MYBBP1A: variants seen among roughly 807,000 people sequenced by gnomAD.
The protein encoded by MYBBP1A is myb-binding protein 1A.
In MYBBP1A, 147 loss-of-function variants were observed where a neutral mutation model predicts 136.3. That is an observed-to-expected ratio of 1.08 (90% CI 0.94 to 1.24). MYBBP1A has a LOEUF of 1.24. Ranked by LOEUF, MYBBP1A falls within the 50% of genes most tolerant of loss-of-function variation. MYBBP1A has a pLI of 0.00. For missense variants in MYBBP1A, 2,060 were observed against 1,727.4 expected, an observed-to-expected ratio of 1.19 and a Z score of -3.41; for synonymous variants, 947 against 735.8, an observed-to-expected ratio of 1.29 and a Z score of -4.65.
At position 4,539,393 on chromosome 17, in the gene MYBBP1A, T is replaced by C; in HGVS notation, c.*22A>G. On this transcript the variant is annotated 3_prime_UTR_variant, in exon 26 of 26. Coordinates refer to ENST00000254718, the MANE Select transcript of MYBBP1A (RefSeq NM_014520.4). ...GTCTCAGGCAGATGGAGGCAGGGGCTGAGGGGGGCCCGTACCTGTGCTCAG... is the reference window on the plus strand; with the variant it reads ...GTCTCAGGCAGATGGAGGCAGGGGCCGAGGGGGGCCCGTACCTGTGCTCAG... The C allele has an allele frequency of 6.4e-7, 1 of 1,567,314 alleles. No homozygotes were observed. Among genetic ancestry groups the C allele is most frequent in the Non-Finnish European group, 8.6e-7 (1 of 1,157,030 alleles).
Position 4,541,833 on chromosome 17 carries a change from T to C in MYBBP1A, c.3146A>G (p.Asp1049Gly). Residue 1049 changes from aspartate (D) to glycine (G), a missense_variant, in exon 23 of 26, where the codon GAC (aspartate) becomes GGC (glycine). Coordinates refer to ENST00000254718, the MANE Select transcript of MYBBP1A (RefSeq NM_014520.4). ...SMREVRSCFE[D>G]PEWKQLMGQV... ...GCCCATCAGCTGCTTCCACTCGGGGTCCTCAAAGCACGACCTCACCTCCCG... is the reference window on the plus strand; with the variant it reads ...GCCCATCAGCTGCTTCCACTCGGGGCCCTCAAAGCACGACCTCACCTCCCG... 2 of 1,613,982 alleles carry C rather than the reference T, an allele frequency of 1.2e-6. No individual in the cohort carries two copies. Among genetic ancestry groups the C allele is most frequent in the Non-Finnish European group, 1.7e-6 (2 of 1,180,000 alleles).
intron 8 of MYBBP1A, 61 bp downstream of exon 8, chr17:4,551,819 G>A: frequency 6.8e-7 from 1 of 1,478,890 alleles, no homozygotes; most frequent in Non-Finnish European, 9.4e-7. Context: ...TCCCCTTTTT[G>A]GCAGGGAGAG....
chr17:4,553,975 T>A, intron 4 of MYBBP1A, 44 bp downstream of exon 4: 1 of 1,613,586 alleles, frequency 6.2e-7, no homozygotes, highest in Non-Finnish European at 8.5e-7. Context: ...CCCCCACCCA[T>A]CCCAAGCCAG....
Position 4,551,959 on chromosome 17 carries a change from A to AG in MYBBP1A, c.943dup (p.Leu315ProfsTer27), listed in dbSNP as rs1190052294. On this transcript the variant is annotated frameshift_variant, in exon 8 of 26. Coordinates refer to ENST00000254718, the MANE Select transcript of MYBBP1A (RefSeq NM_014520.4). LOFTEE classifies it high-confidence loss of function. ...CAGGTGCAGCTGCTCCTTGGTCAGC[A>AG]GGGGCAGGGCCGCGCCCAGCAGGCG... The AG allele has an allele frequency of 1.2e-6, 2 of 1,612,652 alleles. No individual in the cohort carries two copies. Among genetic ancestry groups the AG allele is most frequent in the South Asian group, 2.2e-5 (2 of 91,028 alleles).
chr17:4,539,835 G>T lies in MYBBP1A; in HGVS notation c.3567C>A (p.Gly1189=). The T allele has an allele frequency of 6.2e-7, 1 of 1,609,992 alleles. No homozygotes were observed. Residue 1189 remains glycine, a synonymous_variant, in exon 26 of 26, where the codon GGC becomes GGA. Transcript: ENST00000254718. ...CAGGTGTGCCATCCTCCGCTGGCGT[G>T]CCATCCTCTGACTTGCGTTTCTTGC... ...KKRKKRKSED[G]TPAEDGTPAA... is the part of the protein sequence containing the mutation.
In MYBBP1A at chr17:4,552,269, G is replaced by A. The variant is rs200028604; in HGVS notation, c.761C>T (p.Ala254Val). ...VPRLVNVLKMAASSVKKDRKL... is the reference protein window; with the variant it reads ...VPRLVNVLKMVASSVKKDRKL... ...GCGGTCCTTCTTCACAGAGGAGGCGGCCATCTTCAGCACATTCACCAGCCT... is the reference window on the plus strand; with the variant it reads ...GCGGTCCTTCTTCACAGAGGAGGCGACCATCTTCAGCACATTCACCAGCCT... The change falls in exon 7 of 26, where the codon GCC (alanine) becomes GTC (valine). Residue 254 changes from alanine (A) to valine (V), a missense_variant. Transcript: ENST00000254718. This position sits in a 1 kb window ranked among gnomAD's most constrained non-coding sequence, Gnocchi z 4.7. 21 of 1,614,094 alleles carry A rather than the reference G, an allele frequency of 1.3e-5. No homozygotes were observed. The East Asian group carries it at 3.6e-4, about 27-fold the overall frequency.
In MYBBP1A at chr17:4,548,166, C is replaced by A. The variant is rs138631117; in HGVS notation, c.1701G>T (p.Ala567=). The change falls in exon 12 of 26, where the codon GCG becomes GCT. Residue 567 remains alanine, a synonymous_variant. Transcript: ENST00000254718. The surrounding 1 kb of genome is among the most constrained non-coding windows in gnomAD (Gnocchi z 4.2). ...HNVTTVTPFT[A]QQRQAWDRML... ...ACCGGTCCCAGGCCTGGCGCTGCTG[C>A]GCAGTGAAGGGTGTCACGGTGGTCA... is the stretch of plus-strand genomic sequence containing the variant. The A allele has an allele frequency of 3.1e-6, 5 of 1,605,306 alleles. No homozygotes were observed. The highest frequency in any genetic ancestry group is 4.2e-6 in the Non-Finnish European group (5 of 1,179,980).
In MYBBP1A at chr17:4,545,778, T is replaced by C; in HGVS notation, c.1922-17A>G. ...CCTGGGGGTCTGCAAGAGGGAGGGG[T>C]TGAGCCCGGATAGGGGACCGCTGGC... On this transcript the variant is annotated splice_polypyrimidine_tract_variant and intron_variant, in intron 14 of 25. Coordinates refer to ENST00000254718, the MANE Select transcript of MYBBP1A (RefSeq NM_014520.4). 2 of 1,606,472 alleles carry C rather than the reference T, an allele frequency of 1.2e-6. No homozygotes were observed. The highest frequency in any genetic ancestry group is 1.7e-6 in the Non-Finnish European group (2 of 1,175,960).
At chr17:4,549,686 G>A (rs2144486862) in intron 9 of MYBBP1A, among the ~76,000 whole-genome samples, 1 of 144,450 alleles carries the variant, frequency 6.9e-6, no homozygotes, top group South Asian at 2.2e-4. Flanking sequence ...CTGAGGCAGA[G>A]AATCACTTGA....
chr17:4,547,674 C>T, intron 13 of MYBBP1A: 2 of 386,544 alleles, frequency 5.2e-6, no homozygotes, highest in Admixed American at 4.1e-5. Context: ...GCTCCTTTGC[C>T]TCTGAGTCTT....
rs758425141 is a variant in MYBBP1A, at chr17:4,544,867, G to A, written c.2365C>T (p.Leu789=). Residue 789 remains leucine, a synonymous_variant, in exon 18 of 26, where the codon CTG becomes TTG. Transcript: ENST00000254718. ...AAGAGGCTGGCGAGGCTCTGGTCCA[G>A]GGCCATCATGGCCTCATCCCCCAGC... ...EELGDEAMMA[L]DQSLASLFAE... is the part of the protein sequence containing the mutation. 3.7e-6 allele frequency: 6 copies of A among 1,608,330 alleles called. No homozygotes were observed. Among genetic ancestry groups the A allele is most frequent in the Non-Finnish European group, 5.1e-6 (6 of 1,177,824 alleles).
rs777132367 is a variant in MYBBP1A, at chr17:4,544,758, T to C, written c.2474A>G (p.Gln825Arg). 1.9e-5 allele frequency: 29 copies of C among 1,562,484 alleles called. No homozygotes were observed. The South Asian group carries it at 2.9e-4, about 16-fold the overall frequency. ...GCCCGCCCCCAGGCTCACCCGGATC[T>C]GGAAGTCGCGCCGCAGAGCCTTCTC... ...QKEKALRRDF[Q>R]IRVLDLVEVL... Residue 825 changes from glutamine to arginine, a missense_variant, in exon 18 of 26, where the codon CAG becomes CGG. By Grantham distance (43) the Gln-to-Arg change is conservative (BLOSUM62 1). Transcript: ENST00000254718.
In MYBBP1A at chr17:4,545,948, G is replaced by A. The variant is rs907407572; in HGVS notation, c.1825-6C>T. Reference sequence around the variant, plus strand: ...TCACAGCTCTCTGCAGGGGACTGCGGGCAGGGTAGGACACACACTGGGGCC... The same window carrying A: ...TCACAGCTCTCTGCAGGGGACTGCGAGCAGGGTAGGACACACACTGGGGCC... On this transcript the variant is annotated splice_polypyrimidine_tract_variant and splice_region_variant and intron_variant, in intron 13 of 25. Coordinates refer to ENST00000254718, the MANE Select transcript of MYBBP1A (RefSeq NM_014520.4). The A allele has an allele frequency of 6.8e-6, 11 of 1,612,216 alleles. No individual in the cohort carries two copies. The highest frequency in any genetic ancestry group is 8.5e-6 in the Non-Finnish European group (10 of 1,179,474).
rs1906079500 is a variant in MYBBP1A, at chr17:4,539,088, G to A, written c.*327C>T. On this transcript the variant is annotated 3_prime_UTR_variant, in exon 26 of 26. Transcript: ENST00000254718. ...AAGCCTGGGGGCAAAGAGGTGGCAGGCACGAGAGATGGTCACACCTGCCTG... is the reference window on the plus strand; with the variant it reads ...AAGCCTGGGGGCAAAGAGGTGGCAGACACGAGAGATGGTCACACCTGCCTG... The A allele has an allele frequency of 6.8e-7, 1 of 1,462,734 alleles. No individual in the cohort carries two copies. Among genetic ancestry groups the A allele is most frequent in the African/African-American group, 1.4e-5 (1 of 71,176 alleles). 90.6% of individuals were successfully genotyped at this position (1,462,734 alleles called of 1,614,324 possible). A position where few individuals can be genotyped will look rare whatever the true frequency, so the allele number is the denominator to read the frequency against.
At chr17:4,550,453 C>A (rs556467893) in intron 8 of MYBBP1A, 100 bp from the exon 9 acceptor site, 3 of 1,393,660 alleles carry the variant, frequency 2.2e-6, no homozygotes, top group South Asian at 1.4e-5. Context: ...CCCAACAGCC[C>A]AACAGCCCGG....
Position 4,540,438 on chromosome 17 carries a change from TGCCCCTGCA to T in MYBBP1A, c.3335_3343del (p.Leu1112_Gly1114del). The T allele has an allele frequency of 6.2e-7, 1 of 1,611,270 alleles. No homozygotes were observed. Among genetic ancestry groups the T allele is most frequent in the East Asian group, 2.2e-5 (1 of 44,870 alleles). On this transcript the variant is annotated inframe_deletion, in exon 25 of 26. Coordinates refer to ENST00000254718, the MANE Select transcript of MYBBP1A (RefSeq NM_014520.4). ...TGCCCCCTGCTGTAGGCTCTGCTGT[TGCCCCTGCA>T]GCACACCCAGGAGCACCGTCAGGTC...
chr17:4,545,839 G>C lies in MYBBP1A; in HGVS notation c.1921+7C>G. ...CACTCTAGTCCCTCTCGTGACCAAG[G>C]ACCCACCGATGGTCTTGGTGCGGCT... On this transcript the variant is annotated splice_region_variant and intron_variant, in intron 14 of 25. Transcript: ENST00000254718. The C allele has an allele frequency of 6.2e-7, 1 of 1,612,768 alleles. No homozygotes were observed.
Position 4,554,226 on chromosome 17 carries a change from T to G in MYBBP1A, c.347A>C (p.Gln116Pro), listed in dbSNP as rs773522427. ...CACCTGATGCAGGTCATATTTTTCT[T>G]GTATCTGCTGCAGGATGCTGCACAA... is the stretch of plus-strand genomic sequence containing the variant. ...LPLCSILQQI[Q>P]EKYDLHQVKK... The change falls in exon 3 of 26, where the codon CAA becomes CCA. Residue 116 changes from glutamine to proline, a missense_variant. Coordinates refer to ENST00000254718, the MANE Select transcript of MYBBP1A (RefSeq NM_014520.4). The G allele has an allele frequency of 2.9e-5, 47 of 1,613,914 alleles. No homozygotes were observed. The highest frequency in any genetic ancestry group is 3.8e-5 in the Non-Finnish European group (45 of 1,180,016).
At position 4,542,957 on chromosome 17, in the gene MYBBP1A, G is replaced by A. The variant is rs1215807463; in HGVS notation, c.2848C>T (p.Gln950Ter). 1.2e-6 allele frequency: 2 copies of A among 1,614,076 alleles called. No homozygotes were observed. The highest frequency in any genetic ancestry group is 2.2e-5 in the East Asian group (1 of 44,882). ...TGGCTGGGGTCAGTGCCAGCTTTCT[G>A]CTTCTCCTGTGTCTCATGCACGCAG... ...EGCVHETQEKQKAGTDPSHMP... is the reference protein window; with the variant it reads ...EGCVHETQEK Residue 950 changes from glutamine (Q) to a stop codon, truncating the protein, a stop_gained, in exon 20 of 26, where the codon CAG becomes TAG. Transcript: ENST00000254718. LOFTEE classifies it high-confidence loss of function.
Sources: gnomAD v4.1 joint callset for allele counts (sites outside exome capture counted in the v4.1 genomes callset) on GRCh38, gnomAD v4.1.1 for gene constraint, Gnocchi (gnomAD v3.1) non-coding constraint, MANE v1.5 for transcripts, NCBI Gene and HGNC (gene_info 2026-07-23, HGNC 2026-07-21) for gene names.